ERBB4: variants seen among roughly 807,000 people sequenced by gnomAD.
ERBB4 encodes the protein erb-b2 receptor tyrosine kinase 4.
ERBB4 carries 42 observed loss-of-function variants against 158.0 expected under a neutral mutation model. That is an observed-to-expected ratio of 0.27 (90% CI 0.21 to 0.34). ERBB4 has a LOEUF of 0.34. ERBB4 is among the 10% of genes least tolerant of loss of function. The probability of loss-of-function intolerance (pLI) is 1.00; values close to 1 mark genes in which losing one functional copy is unlikely to be tolerated. For missense variants in ERBB4, 1,333 were observed against 1,624.1 expected (o/e 0.82, Z 3.08); for synonymous variants, 583 against 558.7 (o/e 1.04, Z -0.61).
At chr2:211,877,151 A>C (rs916371975) in intron 3 of ERBB4, among the ~76,000 whole-genome samples, 3 of 152,226 alleles carry the variant, frequency 2.0e-5, no homozygotes, top group African/African-American at 7.2e-5. Flanking sequence ...GGACGAGTAC[A>C]TTTAAGAAAA....
chr2:211,892,687 A>C (rs2078999590), intron 3 of ERBB4, among the ~76,000 whole-genome samples: 1 of 145,632 alleles, frequency 6.9e-6, no homozygotes, highest in South Asian at 2.1e-4. Context: ...AAATCTCCTT[A>C]AGCTGATAAG....
chr2:211,943,956 C>T (rs2080578434), intron 3 of ERBB4, among the ~76,000 whole-genome samples: 1 of 151,198 alleles, frequency 6.6e-6, no homozygotes, highest in Non-Finnish European at 1.5e-5. Flanking sequence ...TAACTAATAT[C>T]TCTTTTACAC....
intron 2 of ERBB4, among the ~76,000 whole-genome samples, chr2:212,083,446 C>T (rs569791066): frequency 8.6e-5 from 13 of 151,976 alleles, no homozygotes; most frequent in African/African-American, 2.7e-4. Flanking sequence ...TCATTACTAA[C>T]ATGCAAAATG....
rs542290204 is a variant in ERBB4, at chr2:211,435,074, T to C, written c.2488-3974A>G. Among the ~76,000 whole-genome samples the C allele has an allele frequency of 7.9e-5, 12 of 152,324 alleles. No individual in the cohort carries two copies. In the South Asian group the frequency reaches 2.5e-3, roughly 32 times the overall value. ...TGTGCTAGATTCCTTCAAAATGAAA[T>C]AACTCTTCAAATTAGAGTGTCATGC... On this transcript the variant is annotated intron_variant, in intron 20 of 27. Coordinates refer to ENST00000342788, the MANE Select transcript of ERBB4 (RefSeq NM_005235.3).
intron 1 of ERBB4, among the ~76,000 whole-genome samples, chr2:212,245,843 T>G (rs2084288166): frequency 6.6e-6 from 1 of 152,130 alleles, no homozygotes; most frequent in Non-Finnish European, 1.5e-5. Flanking sequence ...TTGTGCTCTC[T>G]GAGATACTCC....
At chr2:212,174,655 G>C (rs1333961651) in intron 1 of ERBB4, among the ~76,000 whole-genome samples, 2 of 151,934 alleles carry the variant, frequency 1.3e-5, no homozygotes, top group African/African-American at 4.8e-5. Context: ...TCTTTACACA[G>C]GGACTTATTG....
At chr2:211,851,797 G>A (rs2077728064) in intron 3 of ERBB4, among the ~76,000 whole-genome samples, 1 of 151,802 alleles carries the variant, frequency 6.6e-6, no homozygotes, top group African/African-American at 2.4e-5. Context: ...GAAATTTCAA[G>A]ACAAATTTCT....
At chr2:211,856,142 A>C (rs2106051421) in intron 3 of ERBB4, among the ~76,000 whole-genome samples, 1 of 152,262 alleles carries the variant, frequency 6.6e-6, no homozygotes, top group Middle Eastern at 3.4e-3. Context: ...AGAACAATAT[A>C]ATGAAAAATA....
At chr2:211,994,115 T>A (rs1382617654) in intron 2 of ERBB4, among the ~76,000 whole-genome samples, 1 of 152,082 alleles carries the variant, frequency 6.6e-6, no homozygotes, top group Non-Finnish European at 1.5e-5. Context: ...TATATGTCTA[T>A]CTATCTACCT....
At chr2:212,230,263 C>T (rs927551822) in intron 1 of ERBB4, among the ~76,000 whole-genome samples, 15 of 151,684 alleles carry the variant, frequency 9.9e-5, no homozygotes, top group African/African-American at 3.4e-4. Context: ...CCAGCCTGGG[C>T]AACAGCAAGA....
At chr2:212,142,073 C>A (rs2080497157) in intron 1 of ERBB4, among the ~76,000 whole-genome samples, 1 of 152,102 alleles carries the variant, frequency 6.6e-6, no homozygotes, top group Non-Finnish European at 1.5e-5. Flanking sequence ...CCTTACTTGT[C>A]TTTGAACACT....
intron 1 of ERBB4, among the ~76,000 whole-genome samples, chr2:212,380,637 T>G (rs1163175428): frequency 6.6e-6 from 1 of 150,946 alleles, no homozygotes; most frequent in African/African-American, 2.4e-5. Context: ...TCATTTATAT[T>G]AAATATATTT....
chr2:211,961,516 GTCT>G (rs2081179452), intron 2 of ERBB4, among the ~76,000 whole-genome samples: 2 of 152,140 alleles, frequency 1.3e-5, no homozygotes, highest in Admixed American at 1.3e-4. Flanking sequence ...TGAGTCTTGT[GTCT>G]TCTTCTAACA....
At chr2:212,007,428 A>G (rs2076284752) in intron 2 of ERBB4, among the ~76,000 whole-genome samples, 1 of 151,836 alleles carries the variant, frequency 6.6e-6, no homozygotes, top group Admixed American at 6.6e-5. Context: ...ATTATGGTAA[A>G]CCACCTTCTT....
At chr2:211,833,722 A>C (rs2077275486) in intron 3 of ERBB4, among the ~76,000 whole-genome samples, 1 of 151,890 alleles carries the variant, frequency 6.6e-6, no homozygotes, top group South Asian at 2.1e-4. Context: ...ATAATTGTTC[A>C]AGCAGAAGCA....
At chr2:211,889,117 C>T (rs1449475312) in intron 3 of ERBB4, among the ~76,000 whole-genome samples, 1 of 143,046 alleles carries the variant, frequency 7.0e-6, no homozygotes, top group East Asian at 1.9e-4. Flanking sequence ...AACAAAAAGA[C>T]AGCAGTAACC....
chr2:212,422,500 A>AATACACACAC (rs2091817399), intron 1 of ERBB4, among the ~76,000 whole-genome samples: 1 of 148,556 alleles, frequency 6.7e-6, no homozygotes, highest in South Asian at 2.1e-4. Context: ...TTGGACTCAA[A>AATACACACAC]ACACACACAC....
chr2:212,279,931 A>C (rs2085689711), intron 1 of ERBB4, among the ~76,000 whole-genome samples: 1 of 151,658 alleles, frequency 6.6e-6, no homozygotes, highest in African/African-American at 2.4e-5. Flanking sequence ...TACATTATAA[A>C]GTTTTAGAAA....
At chr2:212,031,363 G>A (rs1417684471) in intron 2 of ERBB4, among the ~76,000 whole-genome samples, 2 of 152,148 alleles carry the variant, frequency 1.3e-5, no homozygotes, top group South Asian at 2.1e-4. Context: ...GTTAAAGTGA[G>A]GCTTTAAAAC....
Sources: gnomAD v4.1 joint callset for allele counts (sites outside exome capture counted in the v4.1 genomes callset) on GRCh38, gnomAD v4.1.1 for gene constraint, MANE v1.5 for transcripts, NCBI Gene and HGNC (gene_info 2026-07-23, HGNC 2026-07-21) for gene names.